The following CBX5 variants were observed in gnomAD, a reference collection of about 807,000 sequenced individuals.
CBX5 encodes chromobox protein homolog 5.
Under a neutral mutation model 20.7 loss-of-function variants are expected in CBX5, and 7 were observed. That is an observed-to-expected ratio of 0.34 (90% CI 0.19 to 0.63). The LOEUF (loss-of-function observed/expected upper bound fraction) is 0.63. Ranked by LOEUF, CBX5 falls within the 30% of genes least tolerant of loss-of-function variation. CBX5 has a pLI of 0.75. For missense variants in CBX5, 110 were observed against 224.1 expected, an observed-to-expected ratio of 0.49 and a Z score of 3.25; for synonymous variants, 78 against 77.0, an observed-to-expected ratio of 1.01 and a Z score of -0.07.
chr12:54,272,203 G>A (rs1944017078), intron 1 of CBX5: 1 of 152,160 alleles, frequency 6.6e-6, no homozygotes, highest in East Asian at 1.9e-4. Context: ...TTTATTCTAA[G>A]AAACATAGAT....
intron 1 of CBX5, chr12:54,271,982 A>G (rs1434714871): frequency 1.3e-5 from 2 of 152,196 alleles, no homozygotes; most frequent in Non-Finnish European, 2.9e-5. Context: ...ACAAATTAGC[A>G]GTATATTACC....
chr12:54,242,441 C>A (rs1241686107), intron 4 of CBX5, among the ~76,000 whole-genome samples: 2 of 147,658 alleles, frequency 1.4e-5, no homozygotes, highest in East Asian at 4.1e-4. Flanking sequence ...AGGAGAATGG[C>A]GTGAACCCGG....
At chr12:54,268,333 AT>A (rs757910899) in intron 1 of CBX5, among the ~76,000 whole-genome samples, 160 of 152,332 alleles carry the variant, frequency 1.1e-3, no homozygotes, top group Non-Finnish European at 1.7e-3. Context: ...CTCTATTGAC[AT>A]TTAAGTTGAG....
At chr12:54,254,763 G>C (rs1158030330) in intron 2 of CBX5, among the ~76,000 whole-genome samples, 5 of 152,038 alleles carry the variant, frequency 3.3e-5, no homozygotes, top group African/African-American at 9.7e-5. Flanking sequence ...TGAGGCAGGA[G>C]AATCGTTTGA....
rs1039723368 is a variant in CBX5, at chr12:54,239,060, G to A, written c.*2695C>T. 2.6e-4 allele frequency: 39 copies of A among 152,186 alleles called. No homozygotes were observed. The highest frequency in any genetic ancestry group is 2.3e-3 in the Admixed American group (35 of 15,272). The allele number at this position is 152,186 out of a possible 1,614,324, so 9.4% of individuals were successfully genotyped here. A position where few individuals can be genotyped will look rare whatever the true frequency, so the allele number is the denominator to read the frequency against. ...TCTGATTTCCTTTGTGCTAAGGGCT[G>A]AAATCAATACTGGCCTCTGGCTCCC... is the stretch of plus-strand genomic sequence containing the variant. On this transcript the variant is annotated 3_prime_UTR_variant, in exon 5 of 5. Coordinates refer to ENST00000209875, the MANE Select transcript of CBX5 (RefSeq NM_012117.3).
intron 1 of CBX5, among the ~76,000 whole-genome samples, chr12:54,270,313 C>T (rs4759074): frequency 0.52 from 79,516 of 152,034 alleles, 23,032 homozygotes; most frequent in African/African-American, 0.77. Context: ...AGGGTCTCTG[C>T]CACCCAGGCT....
intron 4 of CBX5, among the ~76,000 whole-genome samples, chr12:54,245,304 T>G (rs1369483607): frequency 6.6e-6 from 1 of 151,670 alleles, no homozygotes; most frequent in Admixed American, 6.6e-5. Flanking sequence ...AGCCACTGCA[T>G]CCGACCTTTA....
At chr12:54,255,537 C>T (rs945830859) in intron 2 of CBX5, 7 of 121,788 alleles carry the variant, frequency 5.7e-5, no homozygotes, top group African/African-American at 1.3e-4. Flanking sequence ...CCAGCGTGGG[C>T]GATAGTGAGA....
intron 4 of CBX5, 93 bp from the exon 5 acceptor site, chr12:54,241,998 T>C: frequency 7.9e-7 from 1 of 1,259,410 alleles, no homozygotes; most frequent in East Asian, 2.4e-5. Context: ...TTTAGTTGAC[T>C]TGATTTCCTC....
chr12:54,261,587 A>C (rs1282607052), intron 1 of CBX5, among the ~76,000 whole-genome samples: 1 of 152,126 alleles, frequency 6.6e-6, no homozygotes, highest in Non-Finnish European at 1.5e-5. Flanking sequence ...GAGACACTGC[A>C]CCCGGCCAGA....
At chr12:54,269,664 G>A (rs556418085) in intron 1 of CBX5, among the ~76,000 whole-genome samples, 80 of 152,328 alleles carry the variant, frequency 5.3e-4, no homozygotes, top group African/African-American at 1.7e-3. Flanking sequence ...TGGGATTACA[G>A]GCATGAGCCA....
At chr12:54,257,268 A>G (rs1000611581) in intron 2 of CBX5, among the ~76,000 whole-genome samples, 1 of 152,180 alleles carries the variant, frequency 6.6e-6, no homozygotes, top group African/African-American at 2.4e-5. Context: ...TCTAGACCCA[A>G]GCAATCTGAC....
rs1190492145 is a variant in CBX5 at position 54,234,929 on chromosome 12, G to A, written c.*6826C>T. The A allele has an allele frequency of 6.6e-6, 1 of 152,166 alleles. No homozygotes were observed. Among genetic ancestry groups the A allele is most frequent in the African/African-American group, 2.4e-5 (1 of 41,422 alleles). The allele number at this position is 152,166 out of a possible 1,614,324, so 9.4% of individuals were successfully genotyped here. The stretch of plus-strand genomic sequence containing the variant: ...AATTCCATCTTAGAAAACAACCAAA[G>A]TCAAGCACAATGTTAAAGTGACAAG... On this transcript the variant is annotated 3_prime_UTR_variant, in exon 5 of 5. Transcript: ENST00000209875.
intron 4 of CBX5, among the ~76,000 whole-genome samples, chr12:54,243,323 C>T (rs1423152193): frequency 6.6e-6 from 1 of 152,166 alleles, no homozygotes; most frequent in South Asian, 2.1e-4. Flanking sequence ...TACCTATAAT[C>T]CCAGCACTTT....
At chr12:54,254,804 G>T (rs187809970) in intron 2 of CBX5, among the ~76,000 whole-genome samples, 2 of 152,110 alleles carry the variant, frequency 1.3e-5, no homozygotes, top group African/African-American at 4.8e-5. Context: ...AGTGAGCCAA[G>T]ATCACGCCAT....
chr12:54,275,854 C>T (rs1944059244), intron 1 of CBX5, among the ~76,000 whole-genome samples: 1 of 151,654 alleles, frequency 6.6e-6, no homozygotes, highest in African/African-American at 2.4e-5. Flanking sequence ...AAAAATTAGC[C>T]GGACGTATGC....
At chr12:54,278,162 G>C (rs1324898792) in intron 1 of CBX5, among the ~76,000 whole-genome samples, 3 of 152,214 alleles carry the variant, frequency 2.0e-5, no homozygotes, top group African/African-American at 7.2e-5. Flanking sequence ...ACAGTGGGTA[G>C]AGGCCAGGAA....
chr12:54,278,123 T>C (rs771395689), intron 1 of CBX5, among the ~76,000 whole-genome samples: 1 of 152,182 alleles, frequency 6.6e-6, no homozygotes, highest in Non-Finnish European at 1.5e-5. Flanking sequence ...CAAATGGGGA[T>C]GTGGCGAGTG....
At position 54,240,597 on chromosome 12, in the gene CBX5, T is replaced by C. The variant is rs750521602; in HGVS notation, c.*1158A>G. 2 of 152,046 alleles carry C rather than the reference T, an allele frequency of 1.3e-5. No homozygotes were observed. The highest frequency in any genetic ancestry group is 2.4e-5 in the African/African-American group (1 of 41,382). The allele number at this position is 152,046 out of a possible 1,614,324, so 9.4% of individuals were successfully genotyped here. Reference sequence around the variant, plus strand: ...GTAGAAAAAGGGAAGAGCATTAATATTTTGGGGACTCTTGGTGGTAAATCC... The same window carrying C: ...GTAGAAAAAGGGAAGAGCATTAATACTTTGGGGACTCTTGGTGGTAAATCC... On this transcript the variant is annotated 3_prime_UTR_variant, in exon 5 of 5. Coordinates refer to ENST00000209875, the MANE Select transcript of CBX5 (RefSeq NM_012117.3).
Sources: allele counts gnomAD v4.1 joint callset (sites outside exome capture counted in the v4.1 genomes callset), GRCh38; gene constraint gnomAD v4.1.1; transcripts MANE v1.5; gene names NCBI Gene and HGNC (gene_info 2026-07-23, HGNC 2026-07-21).